The following DKC1 variants were observed in gnomAD, a reference collection of about 807,000 sequenced individuals.
DKC1 encodes the protein dyskerin pseudouridine synthase 1.
DKC1 carries 4 observed loss-of-function variants against 46.7 expected under a neutral mutation model. The observed-to-expected ratio is 0.09, with a 90% CI of 0.04 to 0.20. DKC1 has a LOEUF of 0.20. Ranked by LOEUF, DKC1 falls within the 10% of genes least tolerant of loss-of-function variation. The pLI is 1.00. For synonymous variants in DKC1, 141 were observed against 142.4 expected (o/e 0.99, Z 0.07); for missense variants, 171 against 404.2 (o/e 0.42, Z 4.95).
At chrX:154,763,262 C>G (rs1436327751) in intron 1 of DKC1, among the ~76,000 whole-genome samples, 2 of 112,610 alleles carry the variant, frequency 1.8e-5, no homozygotes, top group Non-Finnish European at 3.8e-5. Flanking sequence ...GCTGCCCACC[C>G]CGCGGTGGCG....
intron 8 of DKC1, 34 bp downstream of exon 8, chrX:154,768,466 G>A: frequency 8.3e-7 from 1 of 1,209,847 alleles, no homozygotes; most frequent in Non-Finnish European, 1.1e-6. Context: ...TTTAGAGCTG[G>A]TTCTTACCAT....
chrX:154,770,072 T>G (rs1372406977), intron 9 of DKC1, among the ~76,000 whole-genome samples: 1 of 111,989 alleles, frequency 8.9e-6, no homozygotes, highest in Non-Finnish European at 1.9e-5. Context: ...TTCAAGTTCT[T>G]TAAGAGCCTG....
intron 10 of DKC1, 38 bp from the exon 11 acceptor site, chrX:154,773,093 C>A: frequency 2.1e-6 from 2 of 957,683 alleles, no homozygotes; most frequent in Non-Finnish European, 3.0e-6. Flanking sequence ...AATTCTTTCA[C>A]CCTTCAAATA....
chrX:154,774,537 G>A lies in DKC1; in HGVS notation c.1156-65G>A, dbSNP rs41302184. On this transcript the variant is annotated intron_variant, in intron 11 of 14. Transcript: ENST00000369550. Reference sequence around the variant, plus strand: ...AGGGAGGAACCTTGTTCTATTCTTTGTAGTCACCATGCCCGCTTCCAGCAT... The same window carrying A: ...AGGGAGGAACCTTGTTCTATTCTTTATAGTCACCATGCCCGCTTCCAGCAT... 9,019 of 979,999 alleles carry A rather than the reference G, an allele frequency of 9.2e-3. 38 individuals carry two copies. The highest frequency in any genetic ancestry group is 0.011 in the Non-Finnish European group (7,652 of 689,205). 80.8% of individuals were successfully genotyped at this position (979,999 alleles called of 1,213,427 possible).
intron 10 of DKC1, among the ~76,000 whole-genome samples, chrX:154,772,834 A>G (rs926768779): frequency 1.8e-5 from 2 of 111,954 alleles, no homozygotes; most frequent in Admixed American, 1.9e-4. Flanking sequence ...TGTGGCCCCA[A>G]AGGGAGTGTG....
rs1487127375 is a variant in DKC1 at position 154,764,061 on chromosome X, T to C, written c.17-838T>C. ...CTGTAATCCCAGCTACTCGGGAGGC[T>C]GAGGCAGGAGAATTGCTTGAACCTG... On this transcript the variant is annotated intron_variant, in intron 1 of 14. Transcript: ENST00000369550. Among the ~76,000 whole-genome samples the C allele has an allele frequency of 4.6e-5, 5 of 108,623 alleles. No individual in the cohort carries two copies. In the East Asian group the frequency reaches 1.1e-3, roughly 25 times the overall value. 94.3% of individuals were successfully genotyped at this position (108,623 alleles called of 115,157 possible). A position where few individuals can be genotyped will look rare whatever the true frequency, so the allele number is the denominator to read the frequency against.
chrX:154,774,347 A>C (rs1379162043), intron 11 of DKC1, among the ~76,000 whole-genome samples: 1 of 111,494 alleles, frequency 9.0e-6, no homozygotes, highest in Non-Finnish European at 1.9e-5. Flanking sequence ...AGCAAGCAGC[A>C]TGTGCAAAGG....
rs1557264261 is a variant in DKC1, at chrX:154,767,075, T to C, written c.513+14T>C. The C allele has an allele frequency of 1.7e-6, 2 of 1,203,322 alleles. No homozygotes were observed. The stretch of plus-strand genomic sequence containing the variant: ...CAGCTTTCTAGGGTAAGTCTGCAAT[T>C]GTAGGGAGGACACCCTTTGTTGACT... On this transcript the variant is annotated intron_variant, in intron 6 of 14. Transcript: ENST00000369550.
At chrX:154,767,227 T>C in intron 6 of DKC1, 29 bp from the exon 7 acceptor site, 1 of 1,210,911 alleles carries the variant, frequency 8.3e-7, no homozygotes. Flanking sequence ...TCTGATGAGG[T>C]GTTTGTTTTC....
In DKC1 at chrX:154,776,197, A is replaced by T. The variant is rs782631659; in HGVS notation, c.1349A>T (p.Glu450Val). Reference sequence around the variant, plus strand: ...TTGCTTTCATCTCAGCGGAAGCGAGAGAGTGAGAGTGAAAGTGACGAGACT... The same window carrying T: ...TTGCTTTCATCTCAGCGGAAGCGAGTGAGTGAGAGTGAAAGTGACGAGACT... ...EAAKTAKRKRESESESDETPP... is the reference protein window; with the variant it reads ...EAAKTAKRKRVSESESDETPP... Residue 450 changes from glutamate (E) to valine (V), a missense_variant, in exon 14 of 15, where the codon GAG (glutamate) becomes GTG (valine). Glu to Val is a moderately radical substitution (Grantham distance 121, BLOSUM62 -2). Around this residue, in one of 4 missense-constraint regions of DKC1, gnomAD observed 54 missense variants for 64.4 expected, o/e 0.84. Coordinates refer to ENST00000369550, the MANE Select transcript of DKC1 (RefSeq NM_001363.5). The T allele has an allele frequency of 8.3e-6, 10 of 1,211,838 alleles. 1 individual carries two copies. The Admixed American group carries it at 1.1e-4, about 13-fold the overall frequency.
chrX:154,769,863 A>G (rs781967185), intron 9 of DKC1, among the ~76,000 whole-genome samples: 3 of 111,772 alleles, frequency 2.7e-5, no homozygotes, highest in Admixed American at 1.9e-4. Context: ...TTATCAAACC[A>G]TTGGCTTCTG....
At chrX:154,776,046 C>T (rs782665815) in intron 13 of DKC1, 141 bp from the exon 14 acceptor site, 16 of 757,265 alleles carry the variant, frequency 2.1e-5, no homozygotes, top group Non-Finnish European at 2.6e-5. Context: ...AACTAAGGCC[C>T]TGTCCGGGTT....
In DKC1 at chrX:154,765,560, A is replaced by G. The variant is rs1557264064; in HGVS notation, c.171+30A>G. The G allele has an allele frequency of 1.6e-5, 16 of 1,013,516 alleles. No homozygotes were observed. In the South Asian group the frequency reaches 2.7e-4, roughly 17 times the overall value. The allele number at this position is 1,013,516 out of a possible 1,213,427, so 83.5% of individuals were successfully genotyped here. A position where few individuals can be genotyped will look rare whatever the true frequency, so the allele number is the denominator to read the frequency against. ...GTGGTTAAAATCGTGCATCAGATGA[A>G]TGCCTGCTTTTACGTTATTTCCAAG... On this transcript the variant is annotated intron_variant, in intron 3 of 14. Transcript: ENST00000369550.
At chrX:154,764,301 A>G (rs1392715097) in intron 1 of DKC1, among the ~76,000 whole-genome samples, 1 of 109,544 alleles carries the variant, frequency 9.1e-6, no homozygotes, top group Non-Finnish European at 1.9e-5. Context: ...CTTACCATGA[A>G]TGGAGCTTGC....
chrX:154,772,469 A>G (rs1438429173), intron 10 of DKC1, among the ~76,000 whole-genome samples: 3 of 112,193 alleles, frequency 2.7e-5, no homozygotes, highest in African/African-American at 9.7e-5. Flanking sequence ...TGCCAGTACC[A>G]TACTGTTTTG....
intron 8 of DKC1, 109 bp from the exon 9 acceptor site, chrX:154,769,058 T>C (rs1054303717): frequency 1.5e-4 from 66 of 441,073 alleles, no homozygotes; most frequent in Non-Finnish European, 2.2e-4. Flanking sequence ...GCTGAAGACA[T>C]AATGAGCTTG....
chrX:154,764,695 G>A (rs2071724125), intron 1 of DKC1, among the ~76,000 whole-genome samples: 1 of 111,538 alleles, frequency 9.0e-6, no homozygotes, highest in Admixed American at 9.5e-5. Flanking sequence ...ATCACTAGGA[G>A]ATAGGAATTT....
At chrX:154,767,479 A>C (rs1467639921) in intron 7 of DKC1, 97 bp downstream of exon 7, 3 of 1,006,437 alleles carry the variant, frequency 3.0e-6, no homozygotes, top group Non-Finnish European at 4.2e-6. Context: ...ACTTTCTAAA[A>C]CCTGCCCTAC....
At position 154,769,364 on chromosome X, in the gene DKC1, G is replaced by A. The variant is rs1455825872; in HGVS notation, c.915+54G>A. 8.0e-6 allele frequency: 9 copies of A among 1,131,157 alleles called. 1 individual carries two copies. The highest frequency in any genetic ancestry group is 4.4e-5 in the Admixed American group (2 of 45,296). The allele number at this position is 1,131,157 out of a possible 1,213,427, so 93.2% of individuals were successfully genotyped here. A position where few individuals can be genotyped will look rare whatever the true frequency, so the allele number is the denominator to read the frequency against. On this transcript the variant is annotated intron_variant, in intron 9 of 14. Coordinates refer to ENST00000369550, the MANE Select transcript of DKC1 (RefSeq NM_001363.5). ...GGAAAGAACGTACTCCAAAGATGAGGCTTGCTCTTTTTATTGTTTTCCTTG... is the reference window on the plus strand; with the variant it reads ...GGAAAGAACGTACTCCAAAGATGAGACTTGCTCTTTTTATTGTTTTCCTTG...
Sources: allele counts gnomAD v4.1 joint callset (sites outside exome capture counted in the v4.1 genomes callset), GRCh38; gene constraint gnomAD v4.1.1; regional missense constraint gnomAD v4.1.1; transcripts MANE v1.5; gene names NCBI Gene and HGNC (gene_info 2026-07-23, HGNC 2026-07-21).